The following GPN1 variants were observed in gnomAD, a reference collection of about 807,000 sequenced individuals.
GPN1 encodes the protein GPN-loop GTPase 1.
In GPN1, 44 loss-of-function variants were observed where a neutral mutation model predicts 55.9. The ratio of observed to expected loss-of-function variants is 0.79; its 90% CI spans 0.62 to 1.01. The LOEUF (loss-of-function observed/expected upper bound fraction) is 1.01, where lower values mean the gene tolerates loss of function less well. GPN1 is among the 50% of genes least tolerant of loss of function. The pLI is 0.00. For missense variants in GPN1, 466 were observed against 462.8 expected, an observed-to-expected ratio of 1.01 and a Z score of -0.06; for synonymous variants, 179 against 162.5, an observed-to-expected ratio of 1.10 and a Z score of -0.77.
Position 27,641,147 on chromosome 2 carries a change from T to G in GPN1, c.801-93T>G, listed in dbSNP as rs866997375. The G allele has an allele frequency of 6.4e-6, 5 of 787,028 alleles. No homozygotes were observed. In the African/African-American group the frequency reaches 7.0e-5, roughly 11 times the overall value. 48.8% of individuals were successfully genotyped at this position (787,028 alleles called of 1,614,324 possible). A position where few individuals can be genotyped will look rare whatever the true frequency, so the allele number is the denominator to read the frequency against. On this transcript the variant is annotated intron_variant, in intron 10 of 13. Transcript: ENST00000610189. ...TGAATGAAGTCAGATGTTTTATTAT[T>G]GTCAGTCTTAGGAAAATAGAGATAA... is the stretch of plus-strand genomic sequence containing the variant.
intron 13 of GPN1, among the ~76,000 whole-genome samples, chr2:27,649,186 A>C (rs1376261067): frequency 6.6e-6 from 1 of 151,720 alleles, no homozygotes; most frequent in Admixed American, 6.6e-5. Context: ...CGGAGGCTGC[A>C]GTGAACTGAG....
upstream of GPN1, chr2:27,628,258 C>G (rs766871979): frequency 1.8e-4 from 153 of 863,956 alleles, no homozygotes; most frequent in Non-Finnish European, 2.2e-4. Context: ...CTGTTTGCAG[C>G]TACAAAGGGT....
chr2:27,632,554 A>T, intron 4 of GPN1, 79 bp from the exon 5 acceptor site: 1 of 912,018 alleles, frequency 1.1e-6, no homozygotes, highest in African/African-American at 1.6e-5. Context: ...AGTGCCTGTG[A>T]GGTATGCCAC....
chr2:27,633,272 T>A (rs918325496), intron 5 of GPN1, among the ~76,000 whole-genome samples: 1 of 152,206 alleles, frequency 6.6e-6, no homozygotes, highest in Non-Finnish European at 1.5e-5. Flanking sequence ...GATGAATGGA[T>A]AAAAGTGCTT....
rs957160050 is a variant in GPN1, at chr2:27,643,009, A to C, written c.931+490A>C. On this transcript the variant is annotated intron_variant, in intron 12 of 13. Coordinates refer to ENST00000610189, the MANE Select transcript of GPN1 (RefSeq NM_007266.4). This position sits in a 1 kb window ranked among gnomAD's most constrained non-coding sequence, Gnocchi z 4.0. ...CACACACACACATACATATGCATACATATATATTAAAAAATAAAGGATTTG... is the reference window on the plus strand; with the variant it reads ...CACACACACACATACATATGCATACCTATATATTAAAAAATAAAGGATTTG... 4.0e-5 allele frequency among the ~76,000 whole-genome samples: 6 copies of C among 151,364 alleles called. No individual in the cohort carries two copies. The highest frequency in any genetic ancestry group is 1.5e-4 in the African/African-American group (6 of 41,186).
chr2:27,628,970 G>A (rs1047909488), upstream of GPN1: 4 of 1,582,278 alleles, frequency 2.5e-6, no homozygotes, highest in African/African-American at 2.7e-5. Flanking sequence ...CTGACGCTGT[G>A]GTGGTTTTCG....
intron 12 of GPN1, among the ~76,000 whole-genome samples, chr2:27,644,265 C>G (rs1404080871): frequency 6.6e-6 from 1 of 152,128 alleles, no homozygotes; most frequent in Non-Finnish European, 1.5e-5. Flanking sequence ...TGCTTTGAGA[C>G]TATAAATATC....
At position 27,642,504 on chromosome 2, in the gene GPN1, G is replaced by A; in HGVS notation, c.916G>A (p.Ala306Thr). The A allele has an allele frequency of 6.2e-7, 1 of 1,605,788 alleles. No individual in the cohort carries two copies. Among genetic ancestry groups the A allele is most frequent in the Non-Finnish European group, 8.5e-7 (1 of 1,172,444 alleles). ...RKDMGSVALD[A>T]GTAKDSLSPV... Reference sequence around the variant, plus strand: ...AGATATGGGTTCTGTAGCCTTGGATGCAGGGACTGCCAAAGGTATTGGAGG... The same window carrying A: ...AGATATGGGTTCTGTAGCCTTGGATACAGGGACTGCCAAAGGTATTGGAGG... The change falls in exon 12 of 14, where the codon GCA becomes ACA. Residue 306 changes from alanine (A) to threonine (T), a missense_variant. Coordinates refer to ENST00000610189, the MANE Select transcript of GPN1 (RefSeq NM_007266.4).
At chr2:27,630,579 G>C (rs1190502453) in intron 2 of GPN1, among the ~76,000 whole-genome samples, 1 of 151,710 alleles carries the variant, frequency 6.6e-6, no homozygotes, top group African/African-American at 2.4e-5. Flanking sequence ...TGCCCAGGCT[G>C]GTCTTGAACT....
intron 9 of GPN1, 27 bp downstream of exon 9, chr2:27,639,058 A>G: frequency 6.4e-7 from 1 of 1,562,892 alleles, no homozygotes; most frequent in Non-Finnish European, 8.7e-7. Context: ...GCTCACACTG[A>G]CAGCCTCTCC....
In GPN1 at chr2:27,650,120, G is replaced by C; in HGVS notation, c.1045G>C (p.Glu349Gln). The change falls in exon 14 of 14, where the codon GAG (glutamate) becomes CAG (glutamine). Residue 349 changes from glutamate (E) to glutamine (Q), a missense_variant. By Grantham distance (29) the Glu-to-Gln change is conservative. Coordinates refer to ENST00000610189, the MANE Select transcript of GPN1 (RefSeq NM_007266.4). ...TTGCCCTTTTTTCCTTGCAGTTACA[G>C]AGGAAAGCCATGAAGAGCCAGCATT... ...DTDDIDHRVT[E>Q]ESHEEPAFQN... 5.7e-6 allele frequency: 9 copies of C among 1,586,186 alleles called. No individual in the cohort carries two copies. Among genetic ancestry groups the C allele is most frequent in the Non-Finnish European group, 7.8e-6 (9 of 1,154,720 alleles).
intron 13 of GPN1, among the ~76,000 whole-genome samples, chr2:27,649,678 C>A (rs1054648175): frequency 6.6e-5 from 10 of 152,040 alleles, no homozygotes; most frequent in African/African-American, 2.4e-4. Context: ...TGTAGTCTCT[C>A]CATGTTGTTG....
intron 5 of GPN1, among the ~76,000 whole-genome samples, chr2:27,634,578 T>C (rs1052392365): frequency 1.3e-5 from 2 of 152,252 alleles, no homozygotes; most frequent in Non-Finnish European, 2.9e-5. Context: ...TCATTTTAAA[T>C]GCATTGTGTT....
chr2:27,635,204 C>G lies in GPN1; in HGVS notation c.494C>G (p.Thr165Ser). Residue 165 changes from threonine (T) to serine (S), a missense_variant, in exon 7 of 14, where the codon ACC (threonine) becomes AGC (serine). By Grantham distance (58) the Thr-to-Ser change is moderately conservative. Coordinates refer to ENST00000610189, the MANE Select transcript of GPN1 (RefSeq NM_007266.4). ...ACATCGAGAAGTACCAACCCAGTGA[C>G]CTTCATGTCCAACATGCTCTATGCC... Reference protein sequence around the residue: ...MDTSRSTNPVTFMSNMLYACS... With the variant: ...MDTSRSTNPVSFMSNMLYACS... The G allele has an allele frequency of 6.3e-7, 1 of 1,597,648 alleles. No individual in the cohort carries two copies. The highest frequency in any genetic ancestry group is 8.6e-7 in the Non-Finnish European group (1 of 1,165,404).
rs539976892 is a variant in GPN1, at chr2:27,642,145, C to G, written c.841-284C>G. The G allele has an allele frequency of 4.3e-4, 129 of 301,330 alleles. 2 individuals carry two copies. In the South Asian group the frequency reaches 7.3e-3, roughly 17 times the overall value. 18.7% of individuals were successfully genotyped at this position (301,330 alleles called of 1,614,324 possible). A position where few individuals can be genotyped will look rare whatever the true frequency, so the allele number is the denominator to read the frequency against. ...CAATTAACAGAGCAGGGGATCCACC[C>G]TGGACTGAACTCAACACTTTAGAAT... On this transcript the variant is annotated intron_variant, in intron 11 of 13. Transcript: ENST00000610189.
chr2:27,638,741 G>T, intron 8 of GPN1, 144 bp from the exon 9 acceptor site: 1 of 648,914 alleles, frequency 1.5e-6, no homozygotes, highest in Non-Finnish European at 2.6e-6. Flanking sequence ...GTGGTTCTTT[G>T]TGGCTTGTTG....
intron 4 of GPN1, among the ~76,000 whole-genome samples, 186 bp from the exon 5 acceptor site, chr2:27,632,447 G>T (rs1183825107): frequency 1.3e-5 from 2 of 152,194 alleles, no homozygotes; most frequent in Non-Finnish European, 2.9e-5. Context: ...TTGGAGTGCT[G>T]CTGATGTGGC....
intron 8 of GPN1, among the ~76,000 whole-genome samples, chr2:27,638,564 A>T (rs1300696540): frequency 1.3e-5 from 2 of 152,224 alleles, no homozygotes; most frequent in Non-Finnish European, 2.9e-5. Context: ...CAATTAAAAA[A>T]TTCTAAACTT....
chr2:27,640,737 T>C (rs993862073), intron 10 of GPN1, among the ~76,000 whole-genome samples: 1 of 152,216 alleles, frequency 6.6e-6, no homozygotes, highest in Non-Finnish European at 1.5e-5. Flanking sequence ...ATTAGTGTCA[T>C]GTGTCTTTGG....
Sources: allele counts gnomAD v4.1 joint callset (sites outside exome capture counted in the v4.1 genomes callset), GRCh38; gene constraint gnomAD v4.1.1; non-coding constraint Gnocchi (gnomAD v3.1); transcripts MANE v1.5; gene names NCBI Gene and HGNC (gene_info 2026-07-23, HGNC 2026-07-21).